ZNF577: variants seen among roughly 807,000 people sequenced by gnomAD.
ZNF577 encodes the protein zinc finger protein 577.
A neutral mutation model predicts 13.9 loss-of-function variants in ZNF577; 14 were observed. The ratio of observed to expected loss-of-function variants is 1.00; its 90% CI spans 0.66 to 1.57. The LOEUF is 1.57. ZNF577 is among the 40% of genes most tolerant of loss of function. The pLI, the probability that ZNF577 is intolerant of heterozygous loss-of-function variation, is 0.00. For missense variants in ZNF577, 555 were observed against 579.2 expected (o/e 0.96, Z 0.43); for synonymous variants, 203 against 202.9 (o/e 1.00, Z 0.00).
intron 3 of ZNF577, chr19:51,878,730 G>T: frequency 2.3e-6 from 1 of 431,880 alleles, no homozygotes; most frequent in Admixed American, 3.6e-5. Context: ...TAATAAGACT[G>T]TTCATTATTC....
intron 9 of ZNF577, among the ~76,000 whole-genome samples, chr19:51,816,962 C>T (rs1189235556): frequency 6.6e-6 from 1 of 152,090 alleles, no homozygotes; most frequent in African/African-American, 2.4e-5. Flanking sequence ...CATTTTTTCA[C>T]CTTGGTAATT....
intron 1 of ZNF577, among the ~76,000 whole-genome samples, chr19:51,881,507 C>T (rs1259703947): frequency 2.0e-5 from 3 of 152,178 alleles, no homozygotes; most frequent in Non-Finnish European, 2.9e-5. Flanking sequence ...CATGAGTAAG[C>T]TGAGGCTTGC....
intron 9 of ZNF577, among the ~76,000 whole-genome samples, chr19:51,830,652 T>A (rs1422979941): frequency 6.6e-6 from 1 of 152,230 alleles, no homozygotes; most frequent in Non-Finnish European, 1.5e-5. Context: ...CACCCTTTTA[T>A]TTTAAAATAT....
intron 9 of ZNF577, among the ~76,000 whole-genome samples, chr19:51,820,161 G>A (rs1286771480): frequency 6.6e-6 from 1 of 152,208 alleles, no homozygotes; most frequent in African/African-American, 2.4e-5. Context: ...AAGCAGAAGG[G>A]CTGAATGTTA....
intron 1 of ZNF577, among the ~76,000 whole-genome samples, chr19:51,885,683 T>G (rs763464477): frequency 6.6e-5 from 10 of 152,276 alleles, no homozygotes; most frequent in Admixed American, 1.3e-4. Context: ...TGCTAATTTT[T>G]GTATTTAGTA....
chr19:51,847,763 G>A (rs568885645), intron 5 of ZNF577, among the ~76,000 whole-genome samples: 6 of 152,214 alleles, frequency 3.9e-5, no homozygotes, highest in Admixed American at 6.5e-5. Flanking sequence ...ACAGCGCTGC[G>A]GGATTCCTAA....
rs768541629 is a variant in ZNF577, at chr19:51,877,279, T to C, written c.283+3A>G. ...CCCATTTTCTTAGTTTTCACTCACT[T>C]ACCTGGACAGATTTGACTGTGGGCT... On this transcript the variant is annotated splice_donor_region_variant and intron_variant, in intron 5 of 5. Transcript: ENST00000638348. 3 of 1,613,718 alleles carry C rather than the reference T, an allele frequency of 1.9e-6. No homozygotes were observed. Among genetic ancestry groups the C allele is most frequent in the African/African-American group, 2.7e-5 (2 of 75,006 alleles).
intron 9 of ZNF577, among the ~76,000 whole-genome samples, chr19:51,832,199 C>A (rs2084264411): frequency 6.6e-6 from 1 of 152,064 alleles, no homozygotes; most frequent in Non-Finnish European, 1.5e-5. Context: ...GAGTGGGTAT[C>A]CAGAAAATGA....
Position 51,824,714 on chromosome 19 carries a change from G to A in ZNF577, c.*600-13040C>T. On this transcript the variant is annotated intron_variant and NMD_transcript_variant, in intron 9 of 10. Coordinates refer to the ZNF577 transcript ENST00000638827. The surrounding 1 kb of genome is among the most constrained non-coding windows in gnomAD (Gnocchi z 4.7). ...TTCGCTCTTTGCCCACTAGTTTGGAGAGGGCCCTGACTGAGGTCCCTGACT... is the reference window on the plus strand; with the variant it reads ...TTCGCTCTTTGCCCACTAGTTTGGAAAGGGCCCTGACTGAGGTCCCTGACT... 1.2e-6 allele frequency: 2 copies of A among 1,614,068 alleles called. No homozygotes were observed. The highest frequency in any genetic ancestry group is 1.7e-6 in the Non-Finnish European group (2 of 1,180,002).
In ZNF577 at chr19:51,848,045, A is replaced by C. The variant is rs532016545; in HGVS notation, c.284-3114T>G. ...GCCACCATCTTGGAAGACGCAGTAC[A>C]GACTGCGAGACAGCCATTCTAGGCG... On this transcript the variant is annotated intron_variant and NMD_transcript_variant, in intron 5 of 10. Coordinates refer to the ZNF577 transcript ENST00000638827. 2.4e-3 allele frequency among the ~76,000 whole-genome samples: 369 copies of C among 152,314 alleles called. 2 individuals are homozygous for C. Among genetic ancestry groups the C allele is most frequent in the African/African-American group, 8.5e-3 (355 of 41,576 alleles).
Position 51,873,201 on chromosome 19 carries a change from T to C in ZNF577, c.789A>G (p.Ser263=), listed in dbSNP as rs144956335. ...RKCRLNRHQR[S]HTGEKLYGCS... ...ACCCATAGAGTTTCTCTCCAGTATG[T>C]GATCGCTGATGTCTATTGAGCCGGC... The change falls in exon 6 of 6, where the codon TCA becomes TCG. Residue 263 remains serine, a synonymous_variant. Coordinates refer to ENST00000638348, the MANE Select transcript of ZNF577 (RefSeq NM_001370449.1). 7.4e-6 allele frequency: 12 copies of C among 1,613,992 alleles called. No individual in the cohort carries two copies. In the African/African-American group the frequency reaches 8.0e-5, roughly 11 times the overall value.
At chr19:51,815,837 G>A (rs904829560) in intron 9 of ZNF577, among the ~76,000 whole-genome samples, 1 of 151,222 alleles carries the variant, frequency 6.6e-6, no homozygotes, top group African/African-American at 2.4e-5. Flanking sequence ...ACTCCAGCCT[G>A]GGTGATAGAA....
intron 5 of ZNF577, among the ~76,000 whole-genome samples, chr19:51,874,219 C>A (rs187141604): frequency 2.6e-5 from 4 of 152,270 alleles, no homozygotes; most frequent in South Asian, 2.1e-4. Flanking sequence ...ATTCACCCAA[C>A]AAACACTGAA....
chr19:51,815,040 C>T (rs2084125164), intron 9 of ZNF577, among the ~76,000 whole-genome samples: 1 of 149,636 alleles, frequency 6.7e-6, no homozygotes. Flanking sequence ...GAACTCCCGA[C>T]CTCAAATGAT....
At chr19:51,825,203 G>C (rs914581214) in intron 9 of ZNF577, 7 of 191,958 alleles carry the variant, frequency 3.6e-5, no homozygotes, top group African/African-American at 1.7e-4. Flanking sequence ...CATTTATTTC[G>C]GCTTGCTGGT....
chr19:51,874,487 T>TTAAA lies in ZNF577; in HGVS notation c.284-782_284-781insTTTA, dbSNP rs766229703. Among the ~76,000 whole-genome samples the TTAAA allele has an allele frequency of 4.9e-5, 7 of 144,240 alleles. No individual in the cohort carries two copies. In the East Asian group the frequency reaches 1.0e-3, roughly 21 times the overall value. The allele number at this position is 144,240 out of a possible 152,430, so 94.6% of individuals were successfully genotyped here. On this transcript the variant is annotated intron_variant, in intron 5 of 5. Coordinates refer to ENST00000638348, the MANE Select transcript of ZNF577 (RefSeq NM_001370449.1). ...AGAGGCAGAAAAAACTTAGGTGTGATAAAAAAAAAAAAATGTAAGAGAAGC... is the reference window on the plus strand; with the variant it reads ...AGAGGCAGAAAAAACTTAGGTGTGATTAAAAAAAAAAAAAAAATGTAAGAGAAGC...
rs2084217563 is a variant in ZNF577 at position 51,824,541 on chromosome 19, G to T, written c.*600-12867C>A. The T allele has an allele frequency of 6.2e-7, 1 of 1,613,906 alleles. No homozygotes were observed. The highest frequency in any genetic ancestry group is 1.3e-5 in the African/African-American group (1 of 74,866). ...TTATGAACTAATTGGCATTCTAATGGCAGTCTGGCTCAAAGAGATGTTGTT... is the reference window on the plus strand; with the variant it reads ...TTATGAACTAATTGGCATTCTAATGTCAGTCTGGCTCAAAGAGATGTTGTT... On this transcript the variant is annotated intron_variant and NMD_transcript_variant, in intron 9 of 10. Transcript: ENST00000638827. The surrounding 1 kb of genome is among the most constrained non-coding windows in gnomAD (Gnocchi z 4.7).
intron 10 of ZNF577, among the ~76,000 whole-genome samples, chr19:51,810,482 C>T (rs1289516206): frequency 6.6e-6 from 1 of 152,160 alleles, no homozygotes; most frequent in Non-Finnish European, 1.5e-5. Flanking sequence ...GGCCCAGGTG[C>T]ATTTAACAGC....
At chr19:51,812,528 G>C (rs1207512306) in intron 9 of ZNF577, among the ~76,000 whole-genome samples, 2 of 152,184 alleles carry the variant, frequency 1.3e-5, no homozygotes, top group African/African-American at 4.8e-5. Context: ...TGGCTAGCAT[G>C]TTCTGTTAAG....
Sources: gnomAD v4.1 joint callset for allele counts (sites outside exome capture counted in the v4.1 genomes callset) on GRCh38, gnomAD v4.1.1 for gene constraint, Gnocchi (gnomAD v3.1) non-coding constraint, MANE v1.5 for transcripts, NCBI Gene and HGNC (gene_info 2026-07-23, HGNC 2026-07-21) for gene names.